Variants in WT1 observed in about 807,000 individuals in gnomAD.
WT1 encodes the protein WT1 transcription factor.
In WT1, 8 loss-of-function variants were observed where a neutral mutation model predicts 60.8. The ratio of observed to expected loss-of-function variants is 0.13; its 90% CI spans 0.08 to 0.24. The LOEUF is 0.24. WT1 is among the 10% of genes least tolerant of loss of function. WT1 has a pLI of 1.00. For missense variants in WT1, 568 were observed against 711.8 expected (o/e 0.80, Z 2.30); for synonymous variants, 312 against 297.1 (o/e 1.05, Z -0.52).
chr11:32,394,288 G>C (rs1026127316), intron 7 of WT1, among the ~76,000 whole-genome samples: 2 of 152,076 alleles, frequency 1.3e-5, no homozygotes, highest in African/African-American at 4.8e-5. Context: ...TCCTTCCCCT[G>C]CCTTTGAGCT....
chr11:32,427,163 C>G (rs1853077888), intron 3 of WT1, among the ~76,000 whole-genome samples: 1 of 152,344 alleles, frequency 6.6e-6, no homozygotes, highest in Admixed American at 6.5e-5. Flanking sequence ...GCCCCAACTT[C>G]CAGCCCCGTG....
At chr11:32,426,703 G>T (rs1853052648) in intron 3 of WT1, among the ~76,000 whole-genome samples, 1 of 150,980 alleles carries the variant, frequency 6.6e-6, no homozygotes, top group African/African-American at 2.5e-5. Context: ...GAAAAAAAAA[G>T]GTTTCTCCAG....
At chr11:32,433,955 T>C (rs2133097961) in intron 1 of WT1, among the ~76,000 whole-genome samples, 1 of 152,362 alleles carries the variant, frequency 6.6e-6, no homozygotes, top group Non-Finnish European at 1.5e-5. Flanking sequence ...CTGCCTGCGG[T>C]AGAACCTGGT....
chr11:32,396,390 A>G lies in WT1; in HGVS notation c.1131T>C (p.Pro377=), dbSNP rs151034312. The G allele has an allele frequency of 6.8e-4, 1,103 of 1,614,116 alleles. 1 individual carries two copies. Among genetic ancestry groups the G allele is most frequent in the Non-Finnish European group, 8.7e-4 (1,023 of 1,180,050 alleles). ...ACCGTACAAGAGTCGGGGCTACTCC[A>G]GGCACACGTCGCACATCCTGCAGGC... Residue 377 remains proline (P), a synonymous_variant, in exon 7 of 10, where the codon CCT becomes CCC. Coordinates refer to ENST00000452863, the MANE Select transcript of WT1 (RefSeq NM_024426.6).
intron 6 of WT1, 78 bp downstream of exon 6, chr11:32,399,868 ATC>A: frequency 1.4e-6 from 2 of 1,471,974 alleles, no homozygotes; most frequent in Non-Finnish European, 1.9e-6. Flanking sequence ...CAAAGAGTCC[ATC>A]AGTAAGGAAC....
Position 32,435,160 on chromosome 11 carries a change from G to C in WT1, c.201C>G (p.Ser67=), listed in dbSNP as rs771769393. 6.6e-7 allele frequency: 1 copy of C among 1,521,488 alleles called. No individual in the cohort carries two copies. Among genetic ancestry groups the C allele is most frequent in the South Asian group, 1.2e-5 (1 of 82,876 alleles). 94.2% of individuals were successfully genotyped at this position (1,521,488 alleles called of 1,614,324 possible). A position where few individuals can be genotyped will look rare whatever the true frequency, so the allele number is the denominator to read the frequency against. Reference sequence around the variant, plus strand: ...AGCCCATTTGCTGCGGCTCAGACCCGGACGCCCCGCGGCTCCTCCGGCCCT... The same window carrying C: ...AGCCCATTTGCTGCGGCTCAGACCCCGACGCCCCGCGGCTCCTCCGGCCCT... Residue 67 remains serine (S), a synonymous_variant, in exon 1 of 10, where the codon TCC becomes TCG. Transcript: ENST00000452863.
intron 5 of WT1, among the ~76,000 whole-genome samples, chr11:32,413,099 G>A (rs1852555669): frequency 6.6e-6 from 1 of 152,186 alleles, no homozygotes; most frequent in African/African-American, 2.4e-5. Flanking sequence ...CATTTTCAAG[G>A]AAAGAAGACC....
chr11:32,434,659 C>T (rs1231384617), intron 1 of WT1, 41 bp downstream of exon 1: 1 of 1,612,002 alleles, frequency 6.2e-7, no homozygotes, highest in African/African-American at 1.3e-5. Context: ...GTCCCTGGCG[C>T]CACTGCCCCG....
rs754700684 is a variant in WT1, at chr11:32,428,075, A to C, written c.785-17T>G. The C allele has an allele frequency of 1.9e-6, 3 of 1,587,312 alleles. No homozygotes were observed. The highest frequency in any genetic ancestry group is 3.5e-4 in the Middle Eastern group (2 of 5,676). On this transcript the variant is annotated splice_polypyrimidine_tract_variant and intron_variant, in intron 2 of 9. Coordinates refer to ENST00000452863, the MANE Select transcript of WT1 (RefSeq NM_024426.6). The stretch of plus-strand genomic sequence containing the variant: ...GCTGCTCACCTGCAGAGAGAACCGA[A>C]GACAGCTGAGCGAGTGCGCCCCAAG...
At chr11:32,412,008 C>A (rs1852516073) in intron 5 of WT1, among the ~76,000 whole-genome samples, 1 of 152,198 alleles carries the variant, frequency 6.6e-6, no homozygotes, top group African/African-American at 2.4e-5. Flanking sequence ...GGCTCCCCAC[C>A]TTCACTTTGC....
chr11:32,390,551 G>T (rs191027282), intron 9 of WT1, among the ~76,000 whole-genome samples: 1 of 152,184 alleles, frequency 6.6e-6, no homozygotes, highest in Non-Finnish European at 1.5e-5. Flanking sequence ...CAATTTGGGC[G>T]AAGAATCTGG....
intron 3 of WT1, among the ~76,000 whole-genome samples, chr11:32,420,739 C>T (rs970947393): frequency 2.0e-5 from 3 of 152,264 alleles, no homozygotes; most frequent in South Asian, 2.1e-4. Context: ...AGAATATGCT[C>T]AAGGGAGCAT....
At chr11:32,405,707 G>T (rs1852288878) in intron 5 of WT1, among the ~76,000 whole-genome samples, 1 of 152,064 alleles carries the variant, frequency 6.6e-6, no homozygotes, top group Non-Finnish European at 1.5e-5. Context: ...GATGCAATAG[G>T]TCAGGTAAGT....
intron 3 of WT1, among the ~76,000 whole-genome samples, chr11:32,425,636 G>A (rs1651731214): frequency 6.6e-6 from 1 of 152,128 alleles, no homozygotes; most frequent in Non-Finnish European, 1.5e-5. Context: ...AGAGTGAATG[G>A]AGCTTTCAAG....
intron 1 of WT1, chr11:32,428,936 A>T: frequency 2.3e-6 from 1 of 430,840 alleles, no homozygotes; most frequent in South Asian, 2.1e-5. Context: ...TTAAGTATAA[A>T]ACTCGTTGCC....
In WT1 at chr11:32,435,077, C is replaced by A. The variant is rs1454795891; in HGVS notation, c.284G>T (p.Gly95Val). The stretch of plus-strand genomic sequence containing the variant: ...GCCGCTCACAGGCAGGGCACAGCCG[C>A]CGCCGCCACCCAGGGAGGGGACGGC... The change falls in exon 1 of 10, where the codon GGC (glycine) becomes GTC (valine). Residue 95 changes from glycine to valine, a missense_variant. Around this residue, in one of 3 missense-constraint regions of WT1, gnomAD observed 523 missense variants for 565.1 expected, o/e 0.93. Transcript: ENST00000452863. 2 of 1,490,300 alleles carry A rather than the reference C, an allele frequency of 1.3e-6. No individual in the cohort carries two copies. The highest frequency in any genetic ancestry group is 2.7e-5 in the East Asian group (1 of 36,662). 92.3% of individuals were successfully genotyped at this position (1,490,300 alleles called of 1,614,324 possible).
intron 1 of WT1, among the ~76,000 whole-genome samples, chr11:32,431,961 AT>A (rs1853327045): frequency 6.6e-6 from 1 of 152,094 alleles, no homozygotes; most frequent in South Asian, 2.1e-4. Flanking sequence ...TAGAACCTGG[AT>A]TTCCTCATCC....
intron 1 of WT1, among the ~76,000 whole-genome samples, chr11:32,431,445 TTTTTTTTC>T (rs780584961): frequency 3.2e-3 from 339 of 104,918 alleles, no homozygotes; most frequent in Non-Finnish European, 4.0e-3. Flanking sequence ...TTTTTTTTTT[TTTTTTTTC>T]CGAGACGGAG....
intron 7 of WT1, among the ~76,000 whole-genome samples, chr11:32,394,850 C>T (rs1335328558): frequency 6.6e-6 from 1 of 152,368 alleles, no homozygotes; most frequent in South Asian, 2.1e-4. Context: ...CTAACCCTCA[C>T]TGCATTCTAA....
Sources: allele counts gnomAD v4.1 joint callset (sites outside exome capture counted in the v4.1 genomes callset), GRCh38; gene constraint gnomAD v4.1.1; regional missense constraint gnomAD v4.1.1; transcripts MANE v1.5; gene names NCBI Gene and HGNC (gene_info 2026-07-23, HGNC 2026-07-21).